WSB1: variants seen among roughly 807,000 people sequenced by gnomAD.
WSB1 encodes the protein WD repeat and SOCS box containing 1, also known as WD repeat and SOCS box-containing protein 1.
Under a neutral mutation model 50.2 loss-of-function variants are expected in WSB1, and 23 were observed. That is an observed-to-expected ratio of 0.46 (90% CI 0.33 to 0.65). WSB1 has a LOEUF of 0.65. WSB1 is among the 30% of genes least tolerant of loss of function. The probability of loss-of-function intolerance (pLI) is 0.02; values close to 1 mark genes in which losing one functional copy is unlikely to be tolerated. For missense variants in WSB1, 492 were observed against 522.3 expected, an observed-to-expected ratio of 0.94 and a Z score of 0.56; for synonymous variants, 179 against 172.0, an observed-to-expected ratio of 1.04 and a Z score of -0.32.
At chr17:27,308,420 T>C (rs1369091612) in intron 5 of WSB1, 2 of 984,542 alleles carry the variant, frequency 2.0e-6, no homozygotes, top group Non-Finnish European at 2.4e-6. Flanking sequence ...AAATGACTTA[T>C]GATCGTGGTT....
chr17:27,307,078 GT>G, intron 5 of WSB1, 196 bp downstream of exon 5: 1 of 565,064 alleles, frequency 1.8e-6, no homozygotes, highest in Admixed American at 3.3e-5. Context: ...AAGTTGGATT[GT>G]TTTTAGAGAT....
chr17:27,307,640 C>T, intron 5 of WSB1: 1 of 1,155,660 alleles, frequency 8.7e-7, no homozygotes, highest in Non-Finnish European at 1.2e-6. Context: ...AAGCAAGATA[C>T]TCAGTTTAGT....
intron 8 of WSB1, among the ~76,000 whole-genome samples, chr17:27,311,895 G>A (rs1218494995): frequency 9.9e-5 from 15 of 151,940 alleles, no homozygotes; most frequent in East Asian, 1.9e-4. Context: ...TGATCTTCCC[G>A]CCTCAACTTC....
chr17:27,304,572 C>A lies in WSB1; in HGVS notation c.479-208C>A, dbSNP rs149923500. 2.2e-3 allele frequency among the ~76,000 whole-genome samples: 284 copies of A among 126,372 alleles called. 2 individuals carry two copies. The highest frequency in any genetic ancestry group is 0.015 in the Admixed American group (189 of 12,796). 82.9% of individuals were successfully genotyped at this position (126,372 alleles called of 152,430 possible). A position where few individuals can be genotyped will look rare whatever the true frequency, so the allele number is the denominator to read the frequency against. Reference sequence around the variant, plus strand: ...AAAAAAAAAAAAAAAAAAGGCCAGCCGTGGTGACTTGTAACTGTAGTTCCA... The same window carrying A: ...AAAAAAAAAAAAAAAAAAGGCCAGCAGTGGTGACTTGTAACTGTAGTTCCA... On this transcript the variant is annotated intron_variant, in intron 3 of 8. Transcript: ENST00000262394.
rs1377580606 is a variant in WSB1, at chr17:27,314,404, T to A, written c.*2035T>A. On this transcript the variant is annotated 3_prime_UTR_variant, in exon 9 of 9. Transcript: ENST00000262394. Reference sequence around the variant, plus strand: ...AGCCTGACCAACATAGTGAAACCCCTGTCTCTACTAAAATTACAAAAATTA... The same window carrying A: ...AGCCTGACCAACATAGTGAAACCCCAGTCTCTACTAAAATTACAAAAATTA... The A allele has an allele frequency of 1.3e-5, 2 of 152,048 alleles. No individual in the cohort carries two copies. The highest frequency in any genetic ancestry group is 4.8e-5 in the African/African-American group (2 of 41,410). 9.4% of individuals were successfully genotyped at this position (152,048 alleles called of 1,614,324 possible). A position where few individuals can be genotyped will look rare whatever the true frequency, so the allele number is the denominator to read the frequency against.
chr17:27,307,550 G>C, intron 5 of WSB1: 1 of 576,852 alleles, frequency 1.7e-6, no homozygotes, highest in Non-Finnish European at 3.0e-6. Context: ...TGAATTAATG[G>C]AGGGTGGGAG....
rs2017780356 is a variant in WSB1 at position 27,313,805 on chromosome 17, T to C, written c.*1436T>C. On this transcript the variant is annotated 3_prime_UTR_variant, in exon 9 of 9. Transcript: ENST00000262394. Reference sequence around the variant, plus strand: ...CAGGGCTCCCCGAGTGCAGCAGCTCTTATGGTGGTTTTGTTTTTAGGAGAA... The same window carrying C: ...CAGGGCTCCCCGAGTGCAGCAGCTCCTATGGTGGTTTTGTTTTTAGGAGAA... The C allele has an allele frequency of 6.6e-6, 1 of 152,222 alleles. No homozygotes were observed. Among genetic ancestry groups the C allele is most frequent in the Non-Finnish European group, 1.5e-5 (1 of 68,036 alleles). The allele number at this position is 152,222 out of a possible 1,614,324, so 9.4% of individuals were successfully genotyped here.
chr17:27,312,462 G>T lies in WSB1; in HGVS notation c.*93G>T, dbSNP rs533178921. ...ACTTCAATTATCTGTTTTTAAAGAC[G>T]TAGAAGATTTATTTAATTTGATATG... is the stretch of plus-strand genomic sequence containing the variant. On this transcript the variant is annotated 3_prime_UTR_variant, in exon 9 of 9. Transcript: ENST00000262394. 3 of 1,500,434 alleles carry T rather than the reference G, an allele frequency of 2.0e-6. No homozygotes were observed. Among genetic ancestry groups the T allele is most frequent in the Non-Finnish European group, 1.8e-6 (2 of 1,109,260 alleles). 92.9% of individuals were successfully genotyped at this position (1,500,434 alleles called of 1,614,324 possible). A position where few individuals can be genotyped will look rare whatever the true frequency, so the allele number is the denominator to read the frequency against.
At chr17:27,295,567 A>C (rs1291205542) in intron 1 of WSB1, among the ~76,000 whole-genome samples, 1 of 152,072 alleles carries the variant, frequency 6.6e-6, no homozygotes, top group African/African-American at 2.4e-5. Context: ...AAAGGGAAAA[A>C]ATTGTAGCAG....
intron 1 of WSB1, among the ~76,000 whole-genome samples, 173 bp from the exon 2 acceptor site, chr17:27,301,615 C>T (rs780747620): frequency 6.6e-6 from 1 of 152,070 alleles, no homozygotes; most frequent in Non-Finnish European, 1.5e-5. Context: ...TAGTCATTAT[C>T]GTTAAGGGGT....
chr17:27,311,623 A>G lies in WSB1; in HGVS notation c.1106+7A>G. 1 of 1,019,522 alleles carries G rather than the reference A, an allele frequency of 9.8e-7. No individual in the cohort carries two copies. The highest frequency in any genetic ancestry group is 1.5e-5 in the South Asian group (1 of 67,182). The allele number at this position is 1,019,522 out of a possible 1,614,324, so 63.2% of individuals were successfully genotyped here. The stretch of plus-strand genomic sequence containing the variant: ...GCAGTGTTTTAGCTGCTGGGTAAAT[A>G]TATTTTTCTCTTTTTTTTTTTTTTT... On this transcript the variant is annotated splice_region_variant and intron_variant, in intron 8 of 8. Transcript: ENST00000262394.
intron 1 of WSB1, among the ~76,000 whole-genome samples, chr17:27,300,592 A>T (rs2017184284): frequency 1.3e-5 from 2 of 152,184 alleles, no homozygotes; most frequent in African/African-American, 4.8e-5. Flanking sequence ...TTTGTCCTTA[A>T]AAACCAAAAT....
chr17:27,303,760 G>A (rs1041355489), intron 3 of WSB1, 125 bp downstream of exon 3: 25 of 1,220,484 alleles, frequency 2.0e-5, no homozygotes, highest in South Asian at 5.9e-5. Flanking sequence ...GCATAGGTGC[G>A]TCTTTATAAT....
At chr17:27,302,124 C>A in intron 2 of WSB1, 168 bp downstream of exon 2, 1 of 959,072 alleles carries the variant, frequency 1.0e-6, no homozygotes, top group Non-Finnish European at 1.4e-6. Flanking sequence ...GTAAAGAATT[C>A]TTTGGGCCGG....
At chr17:27,310,436 A>AT (rs34068133) in intron 7 of WSB1, among the ~76,000 whole-genome samples, 50,692 of 152,082 alleles carry the variant, frequency 0.33, 8,723 homozygotes, top group Middle Eastern at 0.45. Context: ...GCTTACAGAG[A>AT]TTTTTTAAAG....
chr17:27,308,738 A>G, intron 5 of WSB1: 2 of 987,210 alleles, frequency 2.0e-6, no homozygotes, highest in Non-Finnish European at 2.4e-6. Flanking sequence ...CTGGAAAAAA[A>G]AGAGAAGGGG....
chr17:27,304,976 G>A (rs1206067217), intron 4 of WSB1, 65 bp downstream of exon 4: 2 of 1,583,054 alleles, frequency 1.3e-6, no homozygotes, highest in African/African-American at 1.4e-5. Flanking sequence ...AGAGGTATTG[G>A]GAACATGTGG....
chr17:27,312,561 T>C lies in WSB1; in HGVS notation c.*192T>C, dbSNP rs764450095. The C allele has an allele frequency of 1.3e-5, 9 of 698,914 alleles. No homozygotes were observed. The highest frequency in any genetic ancestry group is 2.0e-5 in the Non-Finnish European group (9 of 458,558). The allele number at this position is 698,914 out of a possible 1,614,324, so 43.3% of individuals were successfully genotyped here. A position where few individuals can be genotyped will look rare whatever the true frequency, so the allele number is the denominator to read the frequency against. Reference sequence around the variant, plus strand: ...GACAATAGAAGTATTTCTGAACATATCAAATATAAATTTTTTTAAAGATCT... The same window carrying C: ...GACAATAGAAGTATTTCTGAACATACCAAATATAAATTTTTTTAAAGATCT... On this transcript the variant is annotated 3_prime_UTR_variant, in exon 9 of 9. Transcript: ENST00000262394.
chr17:27,306,503 C>T (rs755122248), intron 4 of WSB1, among the ~76,000 whole-genome samples: 11 of 152,114 alleles, frequency 7.2e-5, no homozygotes, highest in Non-Finnish European at 1.0e-4. Flanking sequence ...ACAAGAGCCA[C>T]CGCGCCAGGC....
Sources: allele counts gnomAD v4.1 joint callset (sites outside exome capture counted in the v4.1 genomes callset), GRCh38; gene constraint gnomAD v4.1.1; transcripts MANE v1.5; gene names NCBI Gene and HGNC (gene_info 2026-07-23, HGNC 2026-07-21).